PKNOX1: variants seen among roughly 807,000 people sequenced by gnomAD.
The protein encoded by PKNOX1 is PBX/knotted 1 homeobox 1.
In PKNOX1, 15 loss-of-function variants were observed where a neutral mutation model predicts 51.9. That is an observed-to-expected ratio of 0.29 (90% CI 0.19 to 0.45). The LOEUF is 0.45. Ranked by LOEUF, PKNOX1 falls within the 20% of genes least tolerant of loss-of-function variation. PKNOX1 has a pLI of 1.00. For missense variants in PKNOX1, 462 were observed against 547.5 expected (o/e 0.84, Z 1.56); for synonymous variants, 219 against 211.1 (o/e 1.04, Z -0.32).
intron 1 of PKNOX1, among the ~76,000 whole-genome samples, chr21:42,981,754 G>A (rs908578018): frequency 2.6e-5 from 4 of 152,260 alleles, no homozygotes; most frequent in South Asian, 4.1e-4. Context: ...TGCGATTGAC[G>A]CTGGAATGAT....
chr21:43,008,943 CAG>C (rs1396311305), intron 3 of PKNOX1, among the ~76,000 whole-genome samples: 1 of 152,192 alleles, frequency 6.6e-6, no homozygotes, highest in Non-Finnish European at 1.5e-5. Flanking sequence ...AAGCTGGAAA[CAG>C]TGCCCATGCC....
At chr21:42,985,388 G>C (rs1026260879) in intron 1 of PKNOX1, among the ~76,000 whole-genome samples, 2 of 152,120 alleles carry the variant, frequency 1.3e-5, no homozygotes, top group African/African-American at 2.4e-5. Context: ...AGGTTGGAGT[G>C]CAGGGGAGTG....
Position 43,030,965 on chromosome 21 carries a change from G to T in PKNOX1, c.*864G>T, listed in dbSNP as rs1221604968. 6.6e-6 allele frequency: 1 copy of T among 152,296 alleles called. No homozygotes were observed. Among genetic ancestry groups the T allele is most frequent in the African/African-American group, 2.4e-5 (1 of 41,430 alleles). The allele number at this position is 152,296 out of a possible 1,614,324, so 9.4% of individuals were successfully genotyped here. ...AATTTTTGTTGATATGTAATGCTCA[G>T]ATTGCATTTTACACTTGATCTAAAC... On this transcript the variant is annotated 3_prime_UTR_variant, in exon 11 of 11. Coordinates refer to ENST00000291547, the MANE Select transcript of PKNOX1 (RefSeq NM_004571.5).
intron 1 of PKNOX1, among the ~76,000 whole-genome samples, chr21:42,994,458 C>T (rs1978403188): frequency 6.8e-6 from 1 of 147,828 alleles, no homozygotes; most frequent in East Asian, 2.0e-4. Flanking sequence ...ATTACAGGCA[C>T]GTGCCACTGT....
In PKNOX1 at chr21:43,031,981, C is replaced by G. The variant is rs1450052254; in HGVS notation, c.*1880C>G. 6.0e-6 allele frequency: 2 copies of G among 330,962 alleles called. 1 individual carries two copies. Among genetic ancestry groups the G allele is most frequent in the Non-Finnish European group, 1.2e-5 (2 of 164,076 alleles). 20.5% of individuals were successfully genotyped at this position (330,962 alleles called of 1,614,324 possible). A position where few individuals can be genotyped will look rare whatever the true frequency, so the allele number is the denominator to read the frequency against. ...TGTTCAAGCAATTCTCCTTCCTTAGCCTCCTGAGTAGCTGGGATTACAGGC... is the reference window on the plus strand; with the variant it reads ...TGTTCAAGCAATTCTCCTTCCTTAGGCTCCTGAGTAGCTGGGATTACAGGC... On this transcript the variant is annotated 3_prime_UTR_variant, in exon 11 of 11. Transcript: ENST00000291547.
rs1282975614 is a variant in PKNOX1 at position 43,007,581 on chromosome 21, C to A, written c.142C>A (p.Gln48Lys). The A allele has an allele frequency of 6.2e-7, 1 of 1,614,072 alleles. No individual in the cohort carries two copies. The highest frequency in any genetic ancestry group is 8.5e-7 in the Non-Finnish European group (1 of 1,180,036). Residue 48 changes from glutamine to lysine, a missense_variant, in exon 3 of 11, where the codon CAG becomes AAG. Transcript: ENST00000291547. Reference sequence around the variant, plus strand: ...AGTGAGCCCTCCCCCTGTGGAGTCTCAGACCCCGATGGATGTGGACAAGCA... The same window carrying A: ...AGTGAGCCCTCCCCCTGTGGAGTCTAAGACCCCGATGGATGTGGACAAGCA... Reference protein sequence around the residue: ...EGVSPPPVESQTPMDVDKQAI... With the variant: ...EGVSPPPVESKTPMDVDKQAI...
Position 43,014,237 on chromosome 21 carries a change from G to A in PKNOX1, c.522+999G>A, listed in dbSNP as rs944640779. Among the ~76,000 whole-genome samples, 219 of 152,070 alleles carry A rather than the reference G, an allele frequency of 1.4e-3. 1 individual carries two copies. In the Middle Eastern group the frequency reaches 0.031, roughly 21 times the overall value. ...GGGGTTTCACCGTATTAGCCAGGAT[G>A]GTCTCGATCTCCTGACCTCGTGATC... On this transcript the variant is annotated intron_variant, in intron 5 of 10. Coordinates refer to ENST00000291547, the MANE Select transcript of PKNOX1 (RefSeq NM_004571.5).
chr21:43,001,177 G>C (rs1385838905), intron 1 of PKNOX1, among the ~76,000 whole-genome samples: 1 of 152,238 alleles, frequency 6.6e-6, no homozygotes, highest in African/African-American at 2.4e-5. Flanking sequence ...AAGAGTTCCT[G>C]AAGTGTTTTC....
In PKNOX1 at chr21:43,016,921, C is replaced by T. The variant is rs1430388442; in HGVS notation, c.536C>T (p.Ala179Val). 1.9e-6 allele frequency: 3 copies of T among 1,605,532 alleles called. No individual in the cohort carries two copies. Among genetic ancestry groups the T allele is most frequent in the Non-Finnish European group, 1.7e-6 (2 of 1,173,792 alleles). ...SPVQSQQIQS[A>V]ITGTISPQGI... ...TCTGACTTGCAGCAGATTCAAAGTG[C>T]CATCACAGGCACCATCAGCCCTCAG... Residue 179 changes from alanine to valine, a missense_variant, in exon 6 of 11, where the codon GCC (alanine) becomes GTC (valine). This residue lies in a region of PKNOX1 where 126 missense variants were observed against 128.1 expected (regional missense o/e 0.98). Coordinates refer to ENST00000291547, the MANE Select transcript of PKNOX1 (RefSeq NM_004571.5).
intron 1 of PKNOX1, among the ~76,000 whole-genome samples, chr21:42,990,546 G>A (rs1278434288): frequency 6.6e-6 from 1 of 152,146 alleles, no homozygotes; most frequent in Non-Finnish European, 1.5e-5. Context: ...TGGATTTCTG[G>A]CCATATCTGC....
At chr21:43,027,788 C>T (rs1361578958) in intron 9 of PKNOX1, among the ~76,000 whole-genome samples, 16 of 152,246 alleles carry the variant, frequency 1.1e-4, no homozygotes, top group Non-Finnish European at 8.8e-5. Context: ...AGGTGGTGGG[C>T]GCCTATAGTC....
At position 43,029,548 on chromosome 21, in the gene PKNOX1, C is replaced by G. The variant is rs1030874863; in HGVS notation, c.1100-342C>G. Among the ~76,000 whole-genome samples, 6 of 151,204 alleles carry G rather than the reference C, an allele frequency of 4.0e-5. No individual in the cohort carries two copies. In the Admixed American group the frequency reaches 4.0e-4, roughly 10 times the overall value. ...GTTCCCGCCATTCTCCTGCCTCAGC[C>G]TCCCGAGTAGCTCGGAGTAGCTACA... On this transcript the variant is annotated intron_variant, in intron 10 of 10. Transcript: ENST00000291547.
intron 1 of PKNOX1, among the ~76,000 whole-genome samples, chr21:42,985,466 C>G (rs2059047424): frequency 6.6e-6 from 1 of 151,932 alleles, no homozygotes; most frequent in Non-Finnish European, 1.5e-5. Context: ...TCCTGAGTAG[C>G]TGGGATTACA....
intron 1 of PKNOX1, among the ~76,000 whole-genome samples, chr21:42,997,339 G>A (rs1195821139): frequency 1.3e-5 from 2 of 152,176 alleles, no homozygotes; most frequent in Non-Finnish European, 2.9e-5. Flanking sequence ...GACACAGTGC[G>A]TGGCCTCGGG....
chr21:42,994,031 CTTTTTTTTT>C (rs34173115), intron 1 of PKNOX1, among the ~76,000 whole-genome samples: 1 of 93,296 alleles, frequency 1.1e-5, no homozygotes, highest in South Asian at 4.1e-4. Flanking sequence ...CGCGCCCAGC[CTTTTTTTTT>C]TTTTTTTTTT....
intron 2 of PKNOX1, among the ~76,000 whole-genome samples, chr21:43,006,286 G>A (rs937201553): frequency 6.6e-6 from 1 of 152,046 alleles, no homozygotes; most frequent in Non-Finnish European, 1.5e-5. Context: ...ACCACGCCCA[G>A]CTAATTTTTT....
chr21:43,021,902 C>A lies in PKNOX1; in HGVS notation c.849+471C>A, dbSNP rs1215749449. ...CCACAGGGCGCGCCGTTTTGCCCAG[C>A]ACGTGTGCACCCGGCTTCCTCCCCC... On this transcript the variant is annotated intron_variant, in intron 8 of 10. Transcript: ENST00000291547. This position sits in a 1 kb window ranked among gnomAD's most constrained non-coding sequence, Gnocchi z 4.6. Among the ~76,000 whole-genome samples the A allele has an allele frequency of 6.6e-6, 1 of 152,230 alleles. No individual in the cohort carries two copies. Among genetic ancestry groups the A allele is most frequent in the African/African-American group, 2.4e-5 (1 of 41,468 alleles).
At chr21:42,993,849 C>T (rs1978357270) in intron 1 of PKNOX1, among the ~76,000 whole-genome samples, 1 of 151,072 alleles carries the variant, frequency 6.6e-6, no homozygotes, top group Admixed American at 6.6e-5. Context: ...TCTCCTGGCT[C>T]AGCCTCCGGA....
chr21:43,008,748 C>T (rs1391208171), intron 3 of PKNOX1, among the ~76,000 whole-genome samples: 1 of 151,696 alleles, frequency 6.6e-6, no homozygotes, highest in Non-Finnish European at 1.5e-5. Flanking sequence ...CACTGTACTC[C>T]AGTCTGAGTG....
Sources: allele counts gnomAD v4.1 joint callset (sites outside exome capture counted in the v4.1 genomes callset), GRCh38; gene constraint gnomAD v4.1.1; regional missense constraint gnomAD v4.1.1; non-coding constraint Gnocchi (gnomAD v3.1); transcripts MANE v1.5; gene names NCBI Gene and HGNC (gene_info 2026-07-23, HGNC 2026-07-21).